Variants in TMEM253 observed in about 807,000 individuals in gnomAD.
The protein encoded by TMEM253 is transmembrane protein C14orf176.
In TMEM253, 22 loss-of-function variants were observed where a neutral mutation model predicts 20.3. The ratio of observed to expected loss-of-function variants is 1.08; its 90% CI spans 0.78 to 1.55. TMEM253 has a LOEUF of 1.55. TMEM253 is among the 40% of genes most tolerant of loss of function. The pLI is 0.00. For missense variants in TMEM253, 251 were observed against 266.1 expected (o/e 0.94, Z 0.39); for synonymous variants, 92 against 102.6 (o/e 0.90, Z 0.62).
intron 5 of TMEM253, 49 bp downstream of exon 5, chr14:21,102,564 G>A (rs1889711185): frequency 6.4e-7 from 1 of 1,551,536 alleles, no homozygotes; most frequent in East Asian, 2.4e-5. Flanking sequence ...GCAAGAGGAG[G>A]TGGGAAGGGA....
chr14:21,103,520 G>T, exon 7 of TMEM253: 1 of 470,268 alleles, frequency 2.1e-6, no homozygotes, highest in South Asian at 2.5e-5. Flanking sequence ...TTGCCTCATC[G>T]CACTTTTCTT....
rs1406150405 is a variant in TMEM253, at chr14:21,101,182, TAGGTA to T, written c.-38_-37+3del. The stretch of plus-strand genomic sequence containing the variant: ...TCCCTTTGGAGTAGCTGCTTCAGAC[TAGGTA>T]GGTGTGAGGACCTGGACCTCAAATC... On this transcript the variant is annotated splice_donor_variant and splice_donor_region_variant and 5_prime_UTR_variant and intron_variant, in exon 1 of 7. Transcript: ENST00000556585. LOFTEE classifies it low-confidence loss of function (5UTR_SPLICE). 8.2e-6 allele frequency: 5 copies of T among 608,310 alleles called. No homozygotes were observed. Among genetic ancestry groups the T allele is most frequent in the Admixed American group, 5.7e-5 (2 of 34,906 alleles). 37.7% of individuals were successfully genotyped at this position (608,310 alleles called of 1,614,324 possible).
chr14:21,102,385 C>T lies in TMEM253; in HGVS notation c.277-20C>T. On this transcript the variant is annotated intron_variant, in intron 4 of 6. Transcript: ENST00000556585. Reference sequence around the variant, plus strand: ...AATGACTCCCCTAGGCTGGGCAGGGCTGAGCTGGCTCACTGGCAGGTGCGG... The same window carrying T: ...AATGACTCCCCTAGGCTGGGCAGGGTTGAGCTGGCTCACTGGCAGGTGCGG... 6.4e-7 allele frequency: 1 copy of T among 1,551,242 alleles called. No homozygotes were observed. The highest frequency in any genetic ancestry group is 8.7e-7 in the Non-Finnish European group (1 of 1,146,692).
intron 2 of TMEM253, 123 bp from the exon 3 acceptor site, chr14:21,101,742 G>A: frequency 2.6e-6 from 2 of 764,824 alleles, no homozygotes; most frequent in Non-Finnish European, 4.2e-6. Context: ...TCCTTGCTCT[G>A]GGTTGACTGC....
At chr14:21,102,952 G>T in intron 6 of TMEM253, 173 bp downstream of exon 6, 3 of 1,354,334 alleles carry the variant, frequency 2.2e-6, no homozygotes, top group Non-Finnish European at 3.0e-6. Context: ...CTAATGGTGG[G>T]TAAGAGGAAA....
intron 2 of TMEM253, 115 bp downstream of exon 2, chr14:21,101,566 T>C: frequency 1.0e-6 from 1 of 1,004,410 alleles, no homozygotes; most frequent in Non-Finnish European, 1.5e-6. Context: ...GAAACTGAGC[T>C]AGGTTCTGAA....
chr14:21,101,519 C>T, intron 2 of TMEM253, 68 bp downstream of exon 2: 3 of 1,410,992 alleles, frequency 2.1e-6, no homozygotes, highest in Non-Finnish European at 2.9e-6. Flanking sequence ...TCCATCCATC[C>T]ATCCATCCAT....
At chr14:21,102,447 G>C in exon 5 of TMEM253, 1 of 1,551,720 alleles carries the variant, frequency 6.4e-7, no homozygotes, top group Non-Finnish European at 8.7e-7. Flanking sequence ...CTTGATCTTG[G>C]GTTTCATAGT....
At chr14:21,098,923 G>A, upstream of TMEM253, 1 of 1,184,326 alleles carries the variant, frequency 8.4e-7, no homozygotes, top group East Asian at 6.6e-5. Context: ...TCTCTCTTTT[G>A]GGGGAGGAGG....
exon 2 of TMEM253, chr14:21,101,335 A>G: frequency 2.6e-6 from 4 of 1,551,270 alleles, no homozygotes; most frequent in Non-Finnish European, 3.5e-6. Flanking sequence ...TCTTGTGGGC[A>G]AAGGAGCCAT....
exon 6 of TMEM253, chr14:21,102,744 A>G (rs753371454): frequency 3.9e-6 from 6 of 1,551,160 alleles, no homozygotes; most frequent in Non-Finnish European, 4.4e-6. Flanking sequence ...AGGATGCTGC[A>G]GGAGCCAGAG....
At chr14:21,099,674 T>C (rs1889516099), upstream of TMEM253, among the ~76,000 whole-genome samples, 1 of 152,224 alleles carries the variant, frequency 6.6e-6, no homozygotes, top group Non-Finnish European at 1.5e-5. Flanking sequence ...ATGATGATCA[T>C]AGCCACTAAC....
chr14:21,101,976 G>A lies in TMEM253; in HGVS notation c.219+1G>A. On this transcript the variant is annotated splice_donor_variant, in intron 3 of 6. Coordinates refer to ENST00000556585, the Ensembl canonical transcript of TMEM253. LOFTEE classifies it high-confidence loss of function. The stretch of plus-strand genomic sequence containing the variant: ...GCTGCCTCTTGGGCCTGGAGCCTCA[G>A]TAAGACCCACCACAAGGGAGGGTGG... 1 of 1,551,564 alleles carries A rather than the reference G, an allele frequency of 6.4e-7. No homozygotes were observed. Among genetic ancestry groups the A allele is most frequent in the Non-Finnish European group, 8.7e-7 (1 of 1,146,892 alleles).
chr14:21,101,764 C>A, intron 2 of TMEM253, 101 bp from the exon 3 acceptor site: 1 of 924,240 alleles, frequency 1.1e-6, no homozygotes, highest in Non-Finnish European at 1.6e-6. Flanking sequence ...TTCCTCCACC[C>A]TGCATTCAAT....
chr14:21,102,319 G>A, intron 4 of TMEM253, 86 bp from the exon 5 acceptor site: 1 of 1,493,090 alleles, frequency 6.7e-7, no homozygotes, highest in Admixed American at 2.0e-5. Flanking sequence ...CAGAAGCTGA[G>A]TTTTGTCTTC....
At position 21,102,346 on chromosome 14, in the gene TMEM253, G is replaced by A. The variant is rs963995244; in HGVS notation, c.277-59G>A. The A allele has an allele frequency of 2.0e-6, 3 of 1,532,742 alleles. No homozygotes were observed. In the African/African-American group the frequency reaches 4.1e-5, roughly 21 times the overall value. 94.9% of individuals were successfully genotyped at this position (1,532,742 alleles called of 1,614,324 possible). On this transcript the variant is annotated intron_variant, in intron 4 of 6. Transcript: ENST00000556585. Reference sequence around the variant, plus strand: ...TTTGTCTTCAGCTAGGCTGCAAGTGGGGATTGAGGTTGGAATGACTCCCCT... The same window carrying A: ...TTTGTCTTCAGCTAGGCTGCAAGTGAGGATTGAGGTTGGAATGACTCCCCT...
upstream of TMEM253, chr14:21,100,973 G>A (rs1376518451): frequency 1.1e-5 from 2 of 178,980 alleles, no homozygotes; most frequent in Non-Finnish European, 2.4e-5. Context: ...GGTCGGGCTA[G>A]ACATCTTGTG....
At chr14:21,098,999 C>G (rs1278815605), upstream of TMEM253, 1 of 418,104 alleles carries the variant, frequency 2.4e-6, no homozygotes, top group Non-Finnish European at 3.8e-6. Context: ...ACTCTTCGGT[C>G]CTTTCCGTTC....
At chr14:21,100,469 C>T (rs1459311842), upstream of TMEM253, among the ~76,000 whole-genome samples, 1 of 152,100 alleles carries the variant, frequency 6.6e-6, no homozygotes, top group Non-Finnish European at 1.5e-5. Context: ...GAGGCACCTT[C>T]TCTCTCAAAA....
Sources: gnomAD v4.1 joint callset for allele counts (sites outside exome capture counted in the v4.1 genomes callset) on GRCh38, gnomAD v4.1.1 for gene constraint, MANE v1.5 for transcripts, NCBI Gene and HGNC (gene_info 2026-07-23, HGNC 2026-07-21) for gene names.